KIR3DL3: variants seen among roughly 807,000 people sequenced by gnomAD.
The protein encoded by KIR3DL3 is killer cell immunoglobulin like receptor, three Ig domains and long cytoplasmic tail 3.
Under a neutral mutation model 34.9 loss-of-function variants are expected in KIR3DL3, and 27 were observed. That is an observed-to-expected ratio of 0.77 (90% CI 0.57 to 1.07). The LOEUF (loss-of-function observed/expected upper bound fraction) is 1.07. Among genes scored for constraint, KIR3DL3 ranks in the 50% least tolerant of loss-of-function variants. The pLI, the probability that KIR3DL3 is intolerant of heterozygous loss-of-function variation, is 0.00. For missense variants in KIR3DL3, 681 were observed against 528.5 expected, an observed-to-expected ratio of 1.29 and a Z score of -2.83; for synonymous variants, 217 against 200.2, an observed-to-expected ratio of 1.08 and a Z score of -0.71.
intron 5 of KIR3DL3, among the ~76,000 whole-genome samples, chr19:54,730,857 A>G (rs1457412674): frequency 6.6e-6 from 1 of 152,214 alleles, no homozygotes; most frequent in Non-Finnish European, 1.5e-5. Context: ...GTTGATCCAC[A>G]TCTTGGCTAC....
intron 5 of KIR3DL3, among the ~76,000 whole-genome samples, chr19:54,730,100 T>C (rs2068643967): frequency 1.3e-5 from 2 of 152,018 alleles, no homozygotes; most frequent in African/African-American, 4.8e-5. Context: ...CCTTACCCAC[T>C]TCCCAGAAGC....
Position 54,729,685 on chromosome 19 carries a change from GC to G in KIR3DL3, c.851del (p.Pro284LeufsTer2). 1 of 1,599,456 alleles carries G rather than the reference GC, an allele frequency of 6.3e-7. No homozygotes were observed. On this transcript the variant is annotated frameshift_variant, in exon 5 of 8. Coordinates refer to ENST00000291860, the MANE Select transcript of KIR3DL3 (RefSeq NM_153443.5). LOFTEE classifies it high-confidence loss of function. ...ACATTCCAGGCCAACTTCCCTCTGG[GC>G]CCTGTGACCCACGGAGGGAACTACA... ...NGTFQANFPL[G>X]PVTHGGNYRC...
At chr19:54,733,985 G>A (rs1344189780) in intron 5 of KIR3DL3, among the ~76,000 whole-genome samples, 5 of 152,174 alleles carry the variant, frequency 3.3e-5, no homozygotes, top group Non-Finnish European at 5.9e-5. Flanking sequence ...GGAGAGGGCG[G>A]TCCTTCCCCG....
rs2069582066 is a variant in KIR3DL3 at position 54,736,156 on chromosome 19, A to C, written c.*60A>C. ...GTTGTCTTCTGTCCACTAGCACCAC[A>C]GTCAGGCCTTGATGGGATCTTCTAG... On this transcript the variant is annotated 3_prime_UTR_variant, in exon 8 of 8. Coordinates refer to ENST00000291860, the MANE Select transcript of KIR3DL3 (RefSeq NM_153443.5). 2 of 1,597,490 alleles carry C rather than the reference A, an allele frequency of 1.3e-6. No homozygotes were observed. The highest frequency in any genetic ancestry group is 2.8e-5 in the African/African-American group (2 of 71,342).
chr19:54,729,773 C>A lies in KIR3DL3; in HGVS notation c.936C>A (p.Pro312=), dbSNP rs1309656169. The change falls in exon 5 of 8, where the codon CCC becomes CCA. Residue 312 remains proline (P), a synonymous_variant. Transcript: ENST00000291860. ...GGTCAGACCCGAGTGACCCACTGCCCGTTTCTGTCACAGGTGAGAAAACAC... is the reference window on the plus strand; with the variant it reads ...GGTCAGACCCGAGTGACCCACTGCCAGTTTCTGTCACAGGTGAGAAAACAC... ...HAWSDPSDPL[P]VSVTGNSRNL... 6.3e-7 allele frequency: 1 copy of A among 1,593,556 alleles called. No homozygotes were observed. The highest frequency in any genetic ancestry group is 1.7e-5 in the Admixed American group (1 of 57,152).
At chr19:54,727,985 G>A in intron 4 of KIR3DL3, 75 bp downstream of exon 4, 2 of 1,441,948 alleles carry the variant, frequency 1.4e-6, no homozygotes, top group African/African-American at 2.8e-5. Context: ...AGCCCCAGGT[G>A]GTCATGAGGA....
At chr19:54,733,177 A>T (rs3815430) in intron 5 of KIR3DL3, among the ~76,000 whole-genome samples, 2 of 151,890 alleles carry the variant, frequency 1.3e-5, no homozygotes, top group African/African-American at 4.8e-5. Context: ...CATCTAAATC[A>T]ATACCTGGCA....
rs1256892666 is a variant in KIR3DL3 at position 54,734,605 on chromosome 19, C to G, written c.950-648C>G. Among the ~76,000 whole-genome samples the G allele has an allele frequency of 2.0e-5, 3 of 149,434 alleles. No homozygotes were observed. The East Asian group carries it at 5.8e-4, about 29-fold the overall frequency. ...GCCCAGGCTGTTCTGGGATGTTCCT[C>G]CTGATCTCAGGACGTTGCTGTCTTA... On this transcript the variant is annotated intron_variant, in intron 5 of 7. Transcript: ENST00000291860.
In KIR3DL3 at chr19:54,736,322, T is replaced by C. The variant is rs2069612267; in HGVS notation, c.*226T>C. ...AACATGCCTCTCTCTTGCTTACAAA[T>C]GTCTAAGGTCCCCACTGCCTGCTGG... On this transcript the variant is annotated 3_prime_UTR_variant, in exon 8 of 8. Coordinates refer to ENST00000291860, the MANE Select transcript of KIR3DL3 (RefSeq NM_153443.5). The C allele has an allele frequency of 1.6e-6, 1 of 621,756 alleles. No homozygotes were observed. The highest frequency in any genetic ancestry group is 2.5e-5 in the East Asian group (1 of 39,436). The allele number at this position is 621,756 out of a possible 1,614,324, so 38.5% of individuals were successfully genotyped here.
chr19:54,726,550 T>C (rs76494412), intron 3 of KIR3DL3, among the ~76,000 whole-genome samples: 95,278 of 136,880 alleles, frequency 0.7, 33,823 homozygotes, highest in Middle Eastern at 0.74. Context: ...CTATTTATGT[T>C]ATAGGGCAGG....
At position 54,736,574 on chromosome 19, in the gene KIR3DL3, A is replaced by C; in HGVS notation, c.*478A>C. ...CCTTCTGTCAGCAGTAAAACTTATAAATTTTTTTTATAATTTCAATGTAGT... is the reference window on the plus strand; with the variant it reads ...CCTTCTGTCAGCAGTAAAACTTATACATTTTTTTTATAATTTCAATGTAGT... On this transcript the variant is annotated 3_prime_UTR_variant, in exon 8 of 8. Coordinates refer to ENST00000291860, the MANE Select transcript of KIR3DL3 (RefSeq NM_153443.5). The C allele has an allele frequency of 6.5e-6, 1 of 152,722 alleles. No homozygotes were observed. Among genetic ancestry groups the C allele is most frequent in the Admixed American group, 6.7e-5 (1 of 14,850 alleles). The allele number at this position is 152,722 out of a possible 1,614,324, so 9.5% of individuals were successfully genotyped here. A position where few individuals can be genotyped will look rare whatever the true frequency, so the allele number is the denominator to read the frequency against.
intron 5 of KIR3DL3, among the ~76,000 whole-genome samples, chr19:54,734,455 C>A (rs1358317011): frequency 6.6e-6 from 1 of 151,680 alleles, no homozygotes; most frequent in Non-Finnish European, 1.5e-5. Context: ...GTGGAGTCAC[C>A]CCATATGCAG....
Position 54,726,008 on chromosome 19 carries a change from G to A in KIR3DL3, c.71-45G>A, listed in dbSNP as rs1377885967. ...CTTCTGAGCACAGGGAGGGAGGGGCGGCTCCACATCCTCCTCTCTAAGGTG... is the reference window on the plus strand; with the variant it reads ...CTTCTGAGCACAGGGAGGGAGGGGCAGCTCCACATCCTCCTCTCTAAGGTG... On this transcript the variant is annotated intron_variant, in intron 2 of 7. Coordinates refer to ENST00000291860, the MANE Select transcript of KIR3DL3 (RefSeq NM_153443.5). 1.1e-4 allele frequency: 165 copies of A among 1,435,950 alleles called. No individual in the cohort carries two copies. The South Asian group carries it at 1.6e-3, about 14-fold the overall frequency. 89.0% of individuals were successfully genotyped at this position (1,435,950 alleles called of 1,614,324 possible). A position where few individuals can be genotyped will look rare whatever the true frequency, so the allele number is the denominator to read the frequency against.
At chr19:54,731,972 G>A (rs1328282241) in intron 5 of KIR3DL3, among the ~76,000 whole-genome samples, 6 of 152,040 alleles carry the variant, frequency 3.9e-5, no homozygotes, top group South Asian at 2.1e-4. Context: ...ATTAGCAACC[G>A]TAATGCCATC....
chr19:54,736,228 C>G lies in KIR3DL3; in HGVS notation c.*132C>G. 8.1e-7 allele frequency: 1 copy of G among 1,236,490 alleles called. No homozygotes were observed. The allele number at this position is 1,236,490 out of a possible 1,614,324, so 76.6% of individuals were successfully genotyped here. On this transcript the variant is annotated 3_prime_UTR_variant, in exon 8 of 8. Transcript: ENST00000291860. ...AAACCGGGTTGCCAGCTCCCATGTA[C>G]CAGCAGCTGGACTCTGAAGGCGTGA... is the stretch of plus-strand genomic sequence containing the variant.
intron 3 of KIR3DL3, 93 bp downstream of exon 3, chr19:54,726,430 C>T: frequency 3.4e-6 from 5 of 1,486,892 alleles, no homozygotes; most frequent in Non-Finnish European, 4.5e-6. Flanking sequence ...ATCATCCAGG[C>T]CCCGACTGTA....
rs2068153056 is a variant in KIR3DL3, at chr19:54,726,201, C to G, written c.219C>G (p.Asn73Lys). Residue 73 changes from asparagine (N) to lysine (K), a missense_variant, in exon 3 of 8, where the codon AAC becomes AAG. Transcript: ENST00000291860. ...GGATGCCTGTCCCTGAGCTCTACAA[C>G]AGAATATTCCGGAACAGCTTTCTCA... Reference protein sequence around the residue: ...EDGMPVPELYNRIFRNSFLMG... With the variant: ...EDGMPVPELYKRIFRNSFLMG... The G allele has an allele frequency of 1.2e-5, 20 of 1,613,684 alleles. No homozygotes were observed. In the South Asian group the frequency reaches 1.4e-4, roughly 12 times the overall value.
chr19:54,726,279 C>T lies in KIR3DL3; in HGVS notation c.297C>T (p.His99=). The stretch of plus-strand genomic sequence containing the variant: ...GGACCTACAGATGTTGCAGTTCACA[C>T]CCACACTCCCCCACTGGGTGGTCGG... ...HAGTYRCCSS[H]PHSPTGWSAP... Residue 99 remains histidine, a synonymous_variant, in exon 3 of 8, where the codon CAC becomes CAT. Coordinates refer to ENST00000291860, the MANE Select transcript of KIR3DL3 (RefSeq NM_153443.5). 2 of 1,613,992 alleles carry T rather than the reference C, an allele frequency of 1.2e-6. No homozygotes were observed. Among genetic ancestry groups the T allele is most frequent in the Non-Finnish European group, 1.7e-6 (2 of 1,179,986 alleles).
rs1600180552 is a variant in KIR3DL3, at chr19:54,727,970, C to T, written c.655+60C>T. 3 of 1,505,704 alleles carry T rather than the reference C, an allele frequency of 2.0e-6. No homozygotes were observed. In the Admixed American group the frequency reaches 6.0e-5, roughly 30 times the overall value. 93.3% of individuals were successfully genotyped at this position (1,505,704 alleles called of 1,614,324 possible). A position where few individuals can be genotyped will look rare whatever the true frequency, so the allele number is the denominator to read the frequency against. The stretch of plus-strand genomic sequence containing the variant: ...GGGAGATGGAGTGAATGATCTAGGA[C>T]TGGAAGCCCCAGGTGGTCATGAGGA... On this transcript the variant is annotated intron_variant, in intron 4 of 7. Transcript: ENST00000291860.
Sources: allele counts gnomAD v4.1 joint callset (sites outside exome capture counted in the v4.1 genomes callset), GRCh38; gene constraint gnomAD v4.1.1; transcripts MANE v1.5; gene names NCBI Gene and HGNC (gene_info 2026-07-23, HGNC 2026-07-21).